The following FAM174B variants were observed in gnomAD, a reference collection of about 807,000 sequenced individuals.
The protein encoded by FAM174B is membrane protein FAM174B.
FAM174B carries 12 observed loss-of-function variants against 10.9 expected under a neutral mutation model. The observed-to-expected ratio is 1.10, with a 90% CI of 0.71 to 1.79. The LOEUF is 1.79. Ranked by LOEUF, FAM174B falls within the 40% of genes most tolerant of loss-of-function variation. The pLI is 0.00. For synonymous variants in FAM174B, 132 were observed against 115.8 expected, an observed-to-expected ratio of 1.14 and a Z score of -0.90; for missense variants, 266 against 233.3, an observed-to-expected ratio of 1.14 and a Z score of -0.91.
At position 92,649,579 on chromosome 15, in the gene FAM174B, C is replaced by A. The variant is rs535080327; in HGVS notation, c.344+5737G>T. The stretch of plus-strand genomic sequence containing the variant: ...TTAGTTGACACAATCTCATTCTAAA[C>A]CTGCAATAGCCCTTGGAAGCATGTA... On this transcript the variant is annotated intron_variant, in intron 1 of 2. Transcript: ENST00000327355. Among the ~76,000 whole-genome samples the A allele has an allele frequency of 5.9e-5, 9 of 152,292 alleles. No individual in the cohort carries two copies. In the South Asian group the frequency reaches 1.9e-3, roughly 32 times the overall value.
chr15:92,632,061 G>A (rs2050822880), intron 1 of FAM174B, among the ~76,000 whole-genome samples: 2 of 152,194 alleles, frequency 1.3e-5, no homozygotes, highest in South Asian at 4.1e-4. Context: ...CCTGCACACA[G>A]CAGGCTCTTG....
intron 1 of FAM174B, among the ~76,000 whole-genome samples, chr15:92,643,147 TTAA>T (rs2050902585): frequency 1.0e-5 from 1 of 98,800 alleles, no homozygotes; most frequent in Non-Finnish European, 2.6e-5. Flanking sequence ...TTTTTTTTTT[TTAA>T]GAGAGGTGGG....
rs897242514 is a variant in FAM174B at position 92,655,760 on chromosome 15, C to G, written c.-101G>C. The G allele has an allele frequency of 9.5e-7, 1 of 1,048,148 alleles. No individual in the cohort carries two copies. The highest frequency in any genetic ancestry group is 1.2e-6 in the Non-Finnish European group (1 of 838,248). The allele number at this position is 1,048,148 out of a possible 1,614,324, so 64.9% of individuals were successfully genotyped here. On this transcript the variant is annotated 5_prime_UTR_variant, in exon 1 of 3. Coordinates refer to ENST00000327355, the MANE Select transcript of FAM174B (RefSeq NM_207446.3). ...GCACCGGGGGATCCTGCGGCGGAGGCGGCTGCGCGGTGCTTGGCAGGAAGC... is the reference window on the plus strand; with the variant it reads ...GCACCGGGGGATCCTGCGGCGGAGGGGGCTGCGCGGTGCTTGGCAGGAAGC...
chr15:92,621,368 T>C (rs1038696082), intron 2 of FAM174B, among the ~76,000 whole-genome samples: 2 of 152,122 alleles, frequency 1.3e-5, no homozygotes, highest in Non-Finnish European at 2.9e-5. Context: ...TCCCAGAACT[T>C]TGGGAGGTCA....
In FAM174B at chr15:92,630,145, G is replaced by A. The variant is rs1197400573; in HGVS notation, c.476+69C>T. On this transcript the variant is annotated intron_variant, in intron 2 of 2. Coordinates refer to ENST00000327355, the MANE Select transcript of FAM174B (RefSeq NM_207446.3). ...AAAAACAAGAACACATGGACACCAT[G>A]CCTGACCTCGAGGTCCCACCAACCC... is the stretch of plus-strand genomic sequence containing the variant. 2.0e-6 allele frequency: 3 copies of A among 1,536,272 alleles called. No individual in the cohort carries two copies. In the Admixed American group the frequency reaches 5.1e-5, roughly 26 times the overall value.
At chr15:92,622,156 G>A (rs1054553397) in intron 2 of FAM174B, among the ~76,000 whole-genome samples, 5 of 152,206 alleles carry the variant, frequency 3.3e-5, no homozygotes, top group African/African-American at 7.2e-5. Flanking sequence ...GGCATCCCAC[G>A]GGACTGCTCT....
chr15:92,621,254 T>C (rs574593977), intron 2 of FAM174B, among the ~76,000 whole-genome samples: 1 of 152,284 alleles, frequency 6.6e-6, no homozygotes, highest in South Asian at 2.1e-4. Flanking sequence ...GTATAGGGTG[T>C]TCCCTACGCT....
In FAM174B at chr15:92,640,458, A is replaced by C. The variant is rs1376915041; in HGVS notation, c.345-10113T>G. Among the ~76,000 whole-genome samples, 4 of 144,052 alleles carry C rather than the reference A, an allele frequency of 2.8e-5. No homozygotes were observed. In the Admixed American group the frequency reaches 2.9e-4, roughly 11 times the overall value. 94.5% of individuals were successfully genotyped at this position (144,052 alleles called of 152,430 possible). A position where few individuals can be genotyped will look rare whatever the true frequency, so the allele number is the denominator to read the frequency against. ...TCCCAGCTATTCGGGAGGCTGAGGC[A>C]AGAGAATTGCTTGAGCCCATGAGAC... On this transcript the variant is annotated intron_variant, in intron 1 of 2. Transcript: ENST00000327355.
At chr15:92,653,108 G>A (rs1484662094) in intron 1 of FAM174B, 2 of 152,198 alleles carry the variant, frequency 1.3e-5, no homozygotes, top group African/African-American at 4.8e-5. Context: ...CAGAATCTGG[G>A]GTGGCAGCTG....
chr15:92,653,588 A>G (rs1054772306), intron 1 of FAM174B, among the ~76,000 whole-genome samples: 2 of 152,256 alleles, frequency 1.3e-5, no homozygotes, highest in African/African-American at 2.4e-5. Context: ...CCCAACCTCA[A>G]GGGCCCTCTG....
At position 92,630,215 on chromosome 15, in the gene FAM174B, T is replaced by C. The variant is rs779644383; in HGVS notation, c.475A>G (p.Arg159Gly). The C allele has an allele frequency of 1.2e-6, 2 of 1,613,778 alleles. No individual in the cohort carries two copies. Among genetic ancestry groups the C allele is most frequent in the East Asian group, 4.5e-5 (2 of 44,882 alleles). The change falls in exon 2 of 3, where the codon AGG (arginine) becomes GGG (glycine). Residue 159 changes from arginine (R) to glycine (G), a missense_variant and splice_region_variant. Transcript: ENST00000327355. Reference protein sequence around the residue: ...EDSTVFDIKYR With the variant: ...EDSTVFDIKYG ...GAAGCCTCTGTCTCCACCCTGTACC[T>C]GTATTTGATGTCGAATACTGTGGAG...
intron 1 of FAM174B, among the ~76,000 whole-genome samples, chr15:92,647,438 T>C (rs779066268): frequency 6.6e-6 from 1 of 152,028 alleles, no homozygotes; most frequent in Non-Finnish European, 1.5e-5. Flanking sequence ...AAGCCAAAAA[T>C]AAAATTCTAA....
At chr15:92,631,442 A>AT (rs2050816319) in intron 1 of FAM174B, among the ~76,000 whole-genome samples, 1 of 72,684 alleles carries the variant, frequency 1.4e-5, no homozygotes, top group East Asian at 3.3e-4. Context: ...AATATATTAT[A>AT]TATATAACAT....
intron 2 of FAM174B, among the ~76,000 whole-genome samples, chr15:92,620,447 G>A (rs1414480656): frequency 6.6e-6 from 1 of 152,174 alleles, no homozygotes; most frequent in Non-Finnish European, 1.5e-5. Context: ...GCAGTGAGCA[G>A]AGATCGCACC....
intron 1 of FAM174B, among the ~76,000 whole-genome samples, chr15:92,643,865 C>T (rs759195661): frequency 4.5e-4 from 68 of 152,274 alleles, no homozygotes; most frequent in Non-Finnish European, 7.5e-4. Flanking sequence ...GAACAGCACA[C>T]GTGAACTCTG....
At chr15:92,644,929 C>A (rs2050916267) in intron 1 of FAM174B, among the ~76,000 whole-genome samples, 1 of 152,190 alleles carries the variant, frequency 6.6e-6, no homozygotes. Flanking sequence ...ATAAAGGCTC[C>A]TAACTTTTAA....
intron 2 of FAM174B, among the ~76,000 whole-genome samples, chr15:92,620,433 G>GCT (rs2050711680): frequency 6.6e-6 from 1 of 152,204 alleles, no homozygotes; most frequent in Non-Finnish European, 1.5e-5. Flanking sequence ...GGGAGGCAGA[G>GCT]CTCGCAGTGA....
At chr15:92,637,735 G>A (rs75522187) in intron 1 of FAM174B, among the ~76,000 whole-genome samples, 3,135 of 152,240 alleles carry the variant, frequency 0.021, 98 homozygotes, top group African/African-American at 0.07. Context: ...ACCGGCAACT[G>A]CACCTCCCAG....
intron 1 of FAM174B, among the ~76,000 whole-genome samples, chr15:92,650,491 G>A (rs1465179979): frequency 1.3e-5 from 2 of 152,200 alleles, no homozygotes; most frequent in Admixed American, 6.5e-5. Flanking sequence ...AGCCTGCACC[G>A]TGGAGTTCGG....
Sources: gnomAD v4.1 joint callset for allele counts (sites outside exome capture counted in the v4.1 genomes callset) on GRCh38, gnomAD v4.1.1 for gene constraint, MANE v1.5 for transcripts, NCBI Gene and HGNC (gene_info 2026-07-23, HGNC 2026-07-21) for gene names.